The following PIK3C2A variants were observed in gnomAD, a reference collection of about 807,000 sequenced individuals.
PIK3C2A encodes the protein phosphatidylinositol 4-phosphate 3-kinase C2 domain-containing subunit alpha.
A neutral mutation model predicts 204.5 loss-of-function variants in PIK3C2A; 97 were observed. That is an observed-to-expected ratio of 0.47 (90% CI 0.40 to 0.56). The LOEUF (loss-of-function observed/expected upper bound fraction) is 0.56, where lower values mean the gene tolerates loss of function less well. PIK3C2A is among the 20% of genes least tolerant of loss of function. The pLI is 0.00. For synonymous variants in PIK3C2A, 653 were observed against 664.4 expected (o/e 0.98, Z 0.26); for missense variants, 1,735 against 1,969.2 (o/e 0.88, Z 2.25).
In PIK3C2A at chr11:17,169,174, G is replaced by C. The variant is rs746327465; in HGVS notation, c.568C>G (p.Pro190Ala). Residue 190 changes from proline to alanine, a missense_variant, in exon 2 of 33, where the codon CCG becomes GCG. Transcript: ENST00000691414. ...PSTEPIYLSL[P>A]GQSPYFSYPL... ...TATGAGAAATATGGAGATTGTCCCG[G>C]AAGACTTAAATATATAGGTTCTGTA... The C allele has an allele frequency of 6.2e-6, 10 of 1,613,858 alleles. No individual in the cohort carries two copies. The highest frequency in any genetic ancestry group is 1.7e-5 in the Admixed American group (1 of 59,982).
chr11:17,104,453 C>T (rs1385694765), intron 23 of PIK3C2A, among the ~76,000 whole-genome samples: 3 of 152,070 alleles, frequency 2.0e-5, no homozygotes, highest in South Asian at 2.1e-4. Context: ...AGGTCAGGTG[C>T]GGTGGCTCAC....
intron 28 of PIK3C2A, among the ~76,000 whole-genome samples, chr11:17,093,709 CTCACTGCAACCTCCACATCCTGGTA>C (rs986204571): frequency 6.6e-6 from 1 of 151,528 alleles, no homozygotes; most frequent in African/African-American, 2.4e-5. Context: ...GTGATCTTCG[CTCACTGCAACCTCCACATCCTGGTA>C]TCAATCAATC....
chr11:17,206,810 C>T (rs1306848508), intron 1 of PIK3C2A, among the ~76,000 whole-genome samples: 1 of 152,138 alleles, frequency 6.6e-6, no homozygotes, highest in Non-Finnish European at 1.5e-5. Context: ...GCCTTTGATG[C>T]TACAATAGAT....
At chr11:17,183,532 C>T (rs1851640203) in intron 1 of PIK3C2A, among the ~76,000 whole-genome samples, 1 of 151,844 alleles carries the variant, frequency 6.6e-6, no homozygotes, top group African/African-American at 2.4e-5. Context: ...AAAAATTAGC[C>T]GGGCGTGGTG....
chr11:17,088,702 T>TTTGAA lies in PIK3C2A; in HGVS notation c.*1035_*1036insTTCAA, dbSNP rs1848215651. 1.3e-5 allele frequency: 2 copies of TTTGAA among 152,136 alleles called. No homozygotes were observed. The highest frequency in any genetic ancestry group is 3.9e-4 in the East Asian group (2 of 5,194). The allele number at this position is 152,136 out of a possible 1,614,324, so 9.4% of individuals were successfully genotyped here. A position where few individuals can be genotyped will look rare whatever the true frequency, so the allele number is the denominator to read the frequency against. On this transcript the variant is annotated 3_prime_UTR_variant, in exon 33 of 33. Transcript: ENST00000691414. ...ACAAACTGGTCTACACAGACAAAGG[T>TTTGAA]CTATATTAAAGTTCAATCTGGACCC...
At chr11:17,153,724 T>C (rs907779538) in intron 3 of PIK3C2A, among the ~76,000 whole-genome samples, 1 of 152,194 alleles carries the variant, frequency 6.6e-6, no homozygotes, top group Non-Finnish European at 1.5e-5. Context: ...ACAAATATCA[T>C]TCTGACAGCC....
At chr11:17,181,782 G>A (rs1171435034) in intron 1 of PIK3C2A, among the ~76,000 whole-genome samples, 1 of 151,658 alleles carries the variant, frequency 6.6e-6, no homozygotes, top group Non-Finnish European at 1.5e-5. Context: ...GCAAAACTGT[G>A]AAGGAAATGA....
chr11:17,165,530 C>T (rs1038463785), intron 2 of PIK3C2A, among the ~76,000 whole-genome samples: 2 of 151,480 alleles, frequency 1.3e-5, no homozygotes, highest in Non-Finnish European at 2.9e-5. Flanking sequence ...AATCCCAGCA[C>T]GTTGGAAGGC....
chr11:17,188,012 T>G (rs1458777042), intron 1 of PIK3C2A, among the ~76,000 whole-genome samples: 3 of 152,302 alleles, frequency 2.0e-5, no homozygotes, highest in East Asian at 1.9e-4. Context: ...ATCATTTGCA[T>G]GTTTTAATAT....
In PIK3C2A at chr11:17,131,919, TC is replaced by T; in HGVS notation, c.2227del (p.Glu743AsnfsTer2). ...AAAAGCCAGAAATTTCACTTACAGT[TC>T]ATCCCATTTAATAAGATAGAAGAAA... The part of the protein sequence containing the change: ...KNFFYLIKWD[E>X]LIIFPIQISQ... On this transcript the variant is annotated frameshift_variant, in exon 12 of 33. Transcript: ENST00000691414. LOFTEE classifies it high-confidence loss of function. 6.2e-7 allele frequency: 1 copy of T among 1,601,466 alleles called. No individual in the cohort carries two copies. Among genetic ancestry groups the T allele is most frequent in the Non-Finnish European group, 8.5e-7 (1 of 1,175,230 alleles).
At chr11:17,091,926 C>T in intron 30 of PIK3C2A, 70 bp downstream of exon 30, 1 of 959,750 alleles carries the variant, frequency 1.0e-6, no homozygotes. Context: ...TGTCATTCTA[C>T]CACATTCATC....
chr11:17,150,996 C>T (rs1256114635), intron 3 of PIK3C2A, among the ~76,000 whole-genome samples: 9 of 152,078 alleles, frequency 5.9e-5, no homozygotes, highest in Admixed American at 5.2e-4. Context: ...CAAAATGGTA[C>T]CTTTTAAATT....
chr11:17,170,170 C>T (rs943086911), intron 1 of PIK3C2A, among the ~76,000 whole-genome samples: 5 of 152,204 alleles, frequency 3.3e-5, no homozygotes, highest in African/African-American at 4.8e-5. Flanking sequence ...ATATTTTCAA[C>T]AGTTCAGACA....
At chr11:17,105,884 G>C (rs1432335637) in intron 22 of PIK3C2A, among the ~76,000 whole-genome samples, 2 of 152,140 alleles carry the variant, frequency 1.3e-5, no homozygotes, top group Non-Finnish European at 2.9e-5. Flanking sequence ...CGAGGTGGGT[G>C]GATCACTTGA....
chr11:17,194,578 A>G (rs1852073121), intron 1 of PIK3C2A, among the ~76,000 whole-genome samples: 2 of 152,160 alleles, frequency 1.3e-5, no homozygotes, highest in Non-Finnish European at 2.9e-5. Flanking sequence ...CTGAGCTTCA[A>G]TTTCTCAAGT....
intron 30 of PIK3C2A, 144 bp from the exon 31 acceptor site, chr11:17,091,800 T>C (rs780247300): frequency 2.3e-5 from 15 of 662,286 alleles, no homozygotes; most frequent in Non-Finnish European, 3.6e-5. Flanking sequence ...TGATAGGTCA[T>C]TGATTTATAC....
chr11:17,202,299 A>T (rs115818486), intron 1 of PIK3C2A, among the ~76,000 whole-genome samples: 8,571 of 151,514 alleles, frequency 0.057, 301 homozygotes, highest in Middle Eastern at 0.075. Flanking sequence ...AAAGAAAAGA[A>T]TACTGGGGTG....
chr11:17,120,052 G>A, intron 15 of PIK3C2A, 78 bp from the exon 16 acceptor site: 1 of 623,824 alleles, frequency 1.6e-6, no homozygotes, highest in Non-Finnish European at 2.5e-6. Context: ...ATACAAAGAA[G>A]AAATTTATTT....
intron 2 of PIK3C2A, among the ~76,000 whole-genome samples, chr11:17,165,199 T>C (rs1253791994): frequency 6.6e-6 from 1 of 152,180 alleles, no homozygotes; most frequent in Non-Finnish European, 1.5e-5. Context: ...TTCCCAACTT[T>C]ATAGGCTCCT....
Sources: gnomAD v4.1 joint callset for allele counts (sites outside exome capture counted in the v4.1 genomes callset) on GRCh38, gnomAD v4.1.1 for gene constraint, MANE v1.5 for transcripts, NCBI Gene and HGNC (gene_info 2026-07-23, HGNC 2026-07-21) for gene names.